Variants in ANXA2 observed in about 807,000 individuals in gnomAD.
The protein encoded by ANXA2 is annexin A2.
In ANXA2, 28 loss-of-function variants were observed where a neutral mutation model predicts 47.3. The observed-to-expected ratio is 0.59, with a 90% CI of 0.44 to 0.81. The LOEUF (loss-of-function observed/expected upper bound fraction) is 0.81. Ranked by LOEUF, ANXA2 falls within the 40% of genes least tolerant of loss-of-function variation. The pLI is 0.00. For synonymous variants in ANXA2, 172 were observed against 155.5 expected, an observed-to-expected ratio of 1.11 and a Z score of -0.79; for missense variants, 384 against 414.3, an observed-to-expected ratio of 0.93 and a Z score of 0.64.
intron 3 of ANXA2, among the ~76,000 whole-genome samples, chr15:60,367,174 GT>G (rs2062631567): frequency 1.2e-5 from 1 of 82,348 alleles, no homozygotes; most frequent in Non-Finnish European, 2.5e-5. Flanking sequence ...GGGAGGGGGG[GT>G]CAGCCCCCCG....
intron 1 of ANXA2, chr15:60,390,408 A>C (rs2062993001): frequency 3.5e-6 from 2 of 573,726 alleles, no homozygotes; most frequent in Non-Finnish European, 6.1e-6. Flanking sequence ...GCTTTCTGTA[A>C]GAAGTGTGGC....
At chr15:60,349,328 C>T in intron 11 of ANXA2, 131 bp from the exon 12 acceptor site, 3 of 886,818 alleles carry the variant, frequency 3.4e-6, no homozygotes, top group Non-Finnish European at 3.4e-6. Context: ...TTTTTCAGTG[C>T]CGACATGATG....
intron 1 of ANXA2, chr15:60,395,866 T>C (rs1270296865): frequency 1.3e-5 from 2 of 152,192 alleles, no homozygotes; most frequent in Non-Finnish European, 2.9e-5. Context: ...GTCACATCCT[T>C]CCACTGCAGA....
chr15:60,394,231 TTCCTCTGAGC>T (rs1432838338), intron 1 of ANXA2, among the ~76,000 whole-genome samples: 1 of 152,142 alleles, frequency 6.6e-6, no homozygotes, highest in Admixed American at 6.5e-5. Flanking sequence ...GGACTCTGAT[TTCCTCTGAGC>T]TGTGAGTGTA....
intron 4 of ANXA2, 122 bp downstream of exon 4, chr15:60,364,307 G>C (rs1433898117): frequency 7.3e-5 from 55 of 757,558 alleles, no homozygotes; most frequent in Non-Finnish European, 1.1e-4. Context: ...GAAAATCTTA[G>C]ATATCCAAGG....
intron 1 of ANXA2, 67 bp from the exon 2 acceptor site, chr15:60,386,153 CATT>C: frequency 9.2e-7 from 1 of 1,081,804 alleles, no homozygotes; most frequent in Non-Finnish European, 1.4e-6. Flanking sequence ...CACAGCGATT[CATT>C]ATGCTAATTT....
In ANXA2 at chr15:60,356,031, C is replaced by A. The variant is rs775453885; in HGVS notation, c.449-33G>T. The A allele has an allele frequency of 3.2e-6, 5 of 1,553,990 alleles. No individual in the cohort carries two copies. The African/African-American group carries it at 6.8e-5, about 21-fold the overall frequency. ...GAAAATACATCTGGTTTTATGCTTTCTGCCTGTGTAGCCAACCATCCACCC... is the reference window on the plus strand; with the variant it reads ...GAAAATACATCTGGTTTTATGCTTTATGCCTGTGTAGCCAACCATCCACCC... On this transcript the variant is annotated intron_variant, in intron 6 of 12. Transcript: ENST00000451270.
At chr15:60,393,274 C>G (rs1241041760) in intron 1 of ANXA2, 5 of 1,035,348 alleles carry the variant, frequency 4.8e-6, no homozygotes, top group Non-Finnish European at 5.8e-6. Flanking sequence ...CCTCTCTCTG[C>G]TGGTATCCTG....
intron 3 of ANXA2, chr15:60,374,431 A>C (rs1215619380): frequency 2.2e-6 from 1 of 455,380 alleles, no homozygotes; most frequent in Non-Finnish European, 4.4e-6. Flanking sequence ...AGAGAAACCA[A>C]CGCAGCCACC....
intron 5 of ANXA2, among the ~76,000 whole-genome samples, chr15:60,359,704 A>C (rs2062483386): frequency 1.3e-5 from 2 of 152,208 alleles, no homozygotes; most frequent in Admixed American, 6.5e-5. Flanking sequence ...ATGACAACTG[A>C]ACTGTGACAT....
intron 7 of ANXA2, among the ~76,000 whole-genome samples, chr15:60,355,268 G>T (rs1595665897): frequency 6.6e-6 from 1 of 152,200 alleles, no homozygotes; most frequent in African/African-American, 2.4e-5. Context: ...GGGGCAGGTG[G>T]TAGCGAAGAG....
chr15:60,390,342 C>T (rs1595710241), intron 1 of ANXA2: 1 of 836,866 alleles, frequency 1.2e-6, no homozygotes, highest in Non-Finnish European at 1.6e-6. Flanking sequence ...TGGCCACTTT[C>T]CTCCCATGCC....
chr15:60,356,457 C>CA (rs1416088464), intron 6 of ANXA2, among the ~76,000 whole-genome samples: 1 of 151,538 alleles, frequency 6.6e-6, no homozygotes, highest in East Asian at 1.9e-4. Flanking sequence ...TTTCAATATT[C>CA]AAAATAGCAT....
intron 6 of ANXA2, 44 bp from the exon 7 acceptor site, chr15:60,356,042 G>A: frequency 6.8e-7 from 1 of 1,477,348 alleles, no homozygotes; most frequent in Non-Finnish European, 9.5e-7. Flanking sequence ...TGCCTGTGTA[G>A]CCAACCATCC....
chr15:60,360,519 G>A (rs1259087242), intron 5 of ANXA2, among the ~76,000 whole-genome samples: 1 of 152,150 alleles, frequency 6.6e-6, no homozygotes, highest in Non-Finnish European at 1.5e-5. Flanking sequence ...GAAACAAATG[G>A]TACTGACAGA....
chr15:60,358,494 G>A (rs974563971), intron 5 of ANXA2, among the ~76,000 whole-genome samples: 16 of 152,188 alleles, frequency 1.1e-4, no homozygotes, highest in African/African-American at 1.9e-4. Flanking sequence ...CATGAAAAGC[G>A]TGTCAGCTAT....
At chr15:60,389,937 C>T (rs1046610946) in intron 1 of ANXA2, among the ~76,000 whole-genome samples, 3 of 152,004 alleles carry the variant, frequency 2.0e-5, no homozygotes, top group Admixed American at 6.5e-5. Flanking sequence ...TTCATCCATT[C>T]GGCAGAATGT....
chr15:60,353,989 T>C (rs1346429275), intron 8 of ANXA2, among the ~76,000 whole-genome samples, 165 bp downstream of exon 8: 2 of 152,204 alleles, frequency 1.3e-5, no homozygotes, highest in East Asian at 3.8e-4. Context: ...ATTGGGCTAA[T>C]CTACTCCTCA....
At chr15:60,365,863 C>CCTCCCT (rs1245929648) in intron 3 of ANXA2, among the ~76,000 whole-genome samples, 1 of 132,724 alleles carries the variant, frequency 7.5e-6, no homozygotes, top group East Asian at 2.2e-4. Flanking sequence ...TCCCCCTCCC[C>CCTCCCT]CTCCCTCTCC....
Sources: allele counts gnomAD v4.1 joint callset (sites outside exome capture counted in the v4.1 genomes callset), GRCh38; gene constraint gnomAD v4.1.1; transcripts MANE v1.5; gene names NCBI Gene and HGNC (gene_info 2026-07-23, HGNC 2026-07-21).